The following PPP1R3A variants were observed in gnomAD, a reference collection of about 807,000 sequenced individuals.
PPP1R3A encodes RG1.
PPP1R3A carries 29 observed loss-of-function variants against 41.7 expected under a neutral mutation model. The ratio of observed to expected loss-of-function variants is 0.70; its 90% CI spans 0.52 to 0.95. The LOEUF (loss-of-function observed/expected upper bound fraction) is 0.95. Among genes scored for constraint, PPP1R3A ranks in the 40% least tolerant of loss-of-function variants. The pLI, the probability that PPP1R3A is intolerant of heterozygous loss-of-function variation, is 0.00. For missense variants in PPP1R3A, 1,352 were observed against 1,292.4 expected (o/e 1.05, Z -0.71); for synonymous variants, 485 against 453.4 (o/e 1.07, Z -0.89).
chr7:113,897,212 G>A (rs1381559996), intron 1 of PPP1R3A, among the ~76,000 whole-genome samples: 6 of 151,742 alleles, frequency 4.0e-5, no homozygotes, highest in African/African-American at 1.2e-4. Context: ...AAGCACTGCA[G>A]TGGGTCTACA....
intron 1 of PPP1R3A, among the ~76,000 whole-genome samples, chr7:113,910,268 G>T (rs966979935): frequency 6.6e-6 from 1 of 152,000 alleles, no homozygotes; most frequent in Non-Finnish European, 1.5e-5. Context: ...TGATTAAGAA[G>T]AAAATATATA....
rs1282741580 is a variant in PPP1R3A at position 113,918,631 on chromosome 7, T to C, written c.366A>G (p.Gln122=). ...LPSSKEDLMQ[Q]LQIQKAILES... is the part of the protein sequence containing the mutation. ...CCAGTATTGCTTTCTGTATTTGGAGTTGTTGCATAAGATCTTCTTTTGAAG... is the reference window on the plus strand; with the variant it reads ...CCAGTATTGCTTTCTGTATTTGGAGCTGTTGCATAAGATCTTCTTTTGAAG... Residue 122 remains glutamine (Q), a synonymous_variant, in exon 1 of 4, where the codon CAA becomes CAG. Coordinates refer to ENST00000284601, the MANE Select transcript of PPP1R3A (RefSeq NM_002711.4). 2 of 1,613,544 alleles carry C rather than the reference T, an allele frequency of 1.2e-6. No individual in the cohort carries two copies. The highest frequency in any genetic ancestry group is 1.7e-5 in the Admixed American group (1 of 59,964).
chr7:113,912,829 T>A (rs755091076), intron 1 of PPP1R3A, among the ~76,000 whole-genome samples: 3 of 151,992 alleles, frequency 2.0e-5, no homozygotes, highest in Non-Finnish European at 4.4e-5. Flanking sequence ...TCCCAGAGGA[T>A]CCATTTGAGG....
chr7:113,896,919 T>C (rs1054962331), intron 1 of PPP1R3A, among the ~76,000 whole-genome samples: 9 of 151,940 alleles, frequency 5.9e-5, no homozygotes, highest in African/African-American at 1.9e-4. Context: ...TAACCGTCTA[T>C]GAAGAAGGGA....
Position 113,877,718 on chromosome 7 carries a change from T to C in PPP1R3A, c.*5A>G, listed in dbSNP as rs746266271. On this transcript the variant is annotated 3_prime_UTR_variant, in exon 4 of 4. Coordinates refer to ENST00000284601, the MANE Select transcript of PPP1R3A (RefSeq NM_002711.4). The stretch of plus-strand genomic sequence containing the variant: ...ATCTTTTAAGAGAGAATAGTAGTGC[T>C]GAGGTTACTTCTTTTTGACAGACTC... 3 of 1,539,868 alleles carry C rather than the reference T, an allele frequency of 1.9e-6. No individual in the cohort carries two copies. The South Asian group carries it at 3.9e-5, about 20-fold the overall frequency.
At chr7:113,882,367 CT>C (rs1355463567) in intron 1 of PPP1R3A, 47 bp from the exon 2 acceptor site, 3 of 1,157,046 alleles carry the variant, frequency 2.6e-6, no homozygotes, top group Non-Finnish European at 3.8e-6. Flanking sequence ...GGGACTGCAT[CT>C]TCTAAGTATT....
rs1387946307 is a variant in PPP1R3A at position 113,879,854 on chromosome 7, C to T, written c.1238G>A (p.Gly413Glu). 1 of 1,613,366 alleles carries T rather than the reference C, an allele frequency of 6.2e-7. No individual in the cohort carries two copies. Among genetic ancestry groups the T allele is most frequent in the Non-Finnish European group, 8.5e-7 (1 of 1,179,670 alleles). ...QPSEETTSNMGEIKPSLGDTS... is the reference protein window; with the variant it reads ...QPSEETTSNMEEIKPSLGDTS... ...ATCTCCCAATGATGGCTTGATTTCT[C>T]CCATATTTGAAGTAGTTTCCTCTGA... is the stretch of plus-strand genomic sequence containing the variant. Residue 413 changes from glycine to glutamate, a missense_variant, in exon 4 of 4, where the codon GGA becomes GAA. Transcript: ENST00000284601.
At chr7:113,915,222 T>C (rs1797318962) in intron 1 of PPP1R3A, among the ~76,000 whole-genome samples, 1 of 152,064 alleles carries the variant, frequency 6.6e-6, no homozygotes, top group Non-Finnish European at 1.5e-5. Context: ...ATGTGGAGAT[T>C]TGCAAACTCT....
At chr7:113,888,451 C>T (rs1298392945) in intron 1 of PPP1R3A, among the ~76,000 whole-genome samples, 12 of 152,090 alleles carry the variant, frequency 7.9e-5, no homozygotes, top group Admixed American at 7.2e-4. Flanking sequence ...CATCAATATG[C>T]TGTACATAGA....
intron 1 of PPP1R3A, among the ~76,000 whole-genome samples, chr7:113,915,530 T>C (rs1797323678): frequency 6.7e-6 from 1 of 149,562 alleles, no homozygotes; most frequent in South Asian, 2.1e-4. Context: ...AAATCATATA[T>C]ATATATGTAT....
intron 3 of PPP1R3A, 42 bp downstream of exon 3, chr7:113,881,997 T>G (rs780993313): frequency 1.1e-5 from 17 of 1,608,444 alleles, no homozygotes; most frequent in Non-Finnish European, 8.5e-6. Flanking sequence ...GAAGCAGAAA[T>G]GGATTCATCT....
rs112238654 is a variant in PPP1R3A, at chr7:113,887,967, G to A, written c.783-5647C>T. Among the ~76,000 whole-genome samples the A allele has an allele frequency of 1.1e-4, 17 of 152,228 alleles. 1 individual carries two copies. The highest frequency in any genetic ancestry group is 4.1e-4 in the African/African-American group (17 of 41,550). ...AGCTTGAGCCTGGGAGGAGGAGGTT[G>A]CAGTGAGCAGAGATTGTGCCATTGC... On this transcript the variant is annotated intron_variant, in intron 1 of 3. Coordinates refer to ENST00000284601, the MANE Select transcript of PPP1R3A (RefSeq NM_002711.4).
At chr7:113,900,887 A>G (rs1470677926) in intron 1 of PPP1R3A, among the ~76,000 whole-genome samples, 1 of 151,396 alleles carries the variant, frequency 6.6e-6, no homozygotes, top group Non-Finnish European at 1.5e-5. Flanking sequence ...CTAGAAATTA[A>G]TAATTCAAGT....
chr7:113,895,961 T>C (rs1215392051), intron 1 of PPP1R3A, among the ~76,000 whole-genome samples: 3 of 151,874 alleles, frequency 2.0e-5, no homozygotes, highest in Non-Finnish European at 4.4e-5. Flanking sequence ...GATATATTTA[T>C]AAAGCAAATG....
chr7:113,905,770 A>G (rs930802337), intron 1 of PPP1R3A, among the ~76,000 whole-genome samples: 26 of 151,954 alleles, frequency 1.7e-4, no homozygotes, highest in Admixed American at 5.9e-4. Context: ...GTGTCTAGGG[A>G]TGCCAGCATC....
chr7:113,918,513 A>G lies in PPP1R3A; in HGVS notation c.484T>C (p.Ser162Pro). ...TAATGTGTCTGCCAGTCATCTAAAG[A>G]CATTCTTACATATACTAACTTCTCA... ...SFEKLVYVRM[S>P]LDDWQTHYDI... The change falls in exon 1 of 4, where the codon TCT becomes CCT. Residue 162 changes from serine to proline, a missense_variant. Ser to Pro is a moderately conservative substitution (Grantham distance 74). Coordinates refer to ENST00000284601, the MANE Select transcript of PPP1R3A (RefSeq NM_002711.4). 6.2e-7 allele frequency: 1 copy of G among 1,612,866 alleles called. No homozygotes were observed. The highest frequency in any genetic ancestry group is 2.2e-5 in the East Asian group (1 of 44,846).
chr7:113,902,105 TCAG>T (rs1797071255), intron 1 of PPP1R3A, among the ~76,000 whole-genome samples: 1 of 151,804 alleles, frequency 6.6e-6, no homozygotes, highest in Admixed American at 6.6e-5. Flanking sequence ...CTCTGAGAAC[TCAG>T]TCCTGTTCCT....
intron 1 of PPP1R3A, among the ~76,000 whole-genome samples, chr7:113,911,776 G>A (rs1416689753): frequency 6.6e-6 from 1 of 151,960 alleles, no homozygotes; most frequent in East Asian, 1.9e-4. Flanking sequence ...TTTTAGCCTG[G>A]GTCCTGGTAG....
At chr7:113,909,745 C>A (rs1204791882) in intron 1 of PPP1R3A, among the ~76,000 whole-genome samples, 1 of 152,018 alleles carries the variant, frequency 6.6e-6, no homozygotes, top group Non-Finnish European at 1.5e-5. Flanking sequence ...TATAATTTTG[C>A]TTGATTTTAA....
Sources: allele counts gnomAD v4.1 joint callset (sites outside exome capture counted in the v4.1 genomes callset), GRCh38; gene constraint gnomAD v4.1.1; transcripts MANE v1.5; gene names NCBI Gene and HGNC (gene_info 2026-07-23, HGNC 2026-07-21).